The following DMD variants were observed in gnomAD, a reference collection of about 807,000 sequenced individuals.
The protein encoded by DMD is dystrophin.
Under a neutral mutation model 330.1 loss-of-function variants are expected in DMD, and 63 were observed. That is an observed-to-expected ratio of 0.19 (90% CI 0.16 to 0.24). The LOEUF is 0.24. DMD is among the 10% of genes least tolerant of loss of function. The pLI, the probability that DMD is intolerant of heterozygous loss-of-function variation, is 1.00. For missense variants in DMD, 3,344 were observed against 2,684.1 expected (o/e 1.25, Z -5.43); for synonymous variants, 1,223 against 959.8 (o/e 1.27, Z -5.07).
intron 7 of DMD, among the ~76,000 whole-genome samples, chrX:32,777,671 T>A (rs577059104): frequency 8.9e-6 from 1 of 111,950 alleles, no homozygotes; most frequent in African/African-American, 3.2e-5. Flanking sequence ...ACCTTTCCAA[T>A]TGGTATTTAG....
chrX:31,429,487 C>T (rs1198062183), intron 60 of DMD, among the ~76,000 whole-genome samples: 1 of 112,084 alleles, frequency 8.9e-6, no homozygotes, highest in Admixed American at 9.5e-5. Context: ...TTCCATGCAG[C>T]TTCCCCATGT....
intron 2 of DMD, among the ~76,000 whole-genome samples, chrX:32,853,825 T>TTG (rs1264347707): frequency 2.9e-5 from 3 of 103,413 alleles, no homozygotes; most frequent in African/African-American, 1.1e-4. Context: ...AGACTCAATC[T>TTG]GTTGCCTACA....
chrX:31,878,783 A>G (rs2094007901), intron 47 of DMD, among the ~76,000 whole-genome samples: 2 of 112,253 alleles, frequency 1.8e-5, no homozygotes, highest in South Asian at 7.4e-4. Context: ...CCTTGGTAAT[A>G]ATGAGAGAAA....
At chrX:32,582,885 A>T (rs951872485) in intron 13 of DMD, among the ~76,000 whole-genome samples, 1 of 111,101 alleles carries the variant, frequency 9.0e-6, no homozygotes, top group Admixed American at 9.6e-5. Context: ...TTTCTCAAGG[A>T]CCTAGGAGCC....
At chrX:32,442,090 T>C (rs1260591659) in intron 27 of DMD, among the ~76,000 whole-genome samples, 3 of 110,853 alleles carry the variant, frequency 2.7e-5, no homozygotes, top group Non-Finnish European at 3.8e-5. Context: ...CAAGAAAATA[T>C]AGAAGAAAAT....
chrX:31,208,348 T>C lies in DMD; in HGVS notation c.9563+1150A>G, dbSNP rs10482232. On this transcript the variant is annotated intron_variant, in intron 65 of 78. Transcript: ENST00000357033. ...AATCCACTTTATACAGCAACTCAGG[T>C]CTTCAAGGAGTTAAAATTGTCACCA... Among the ~76,000 whole-genome samples the C allele has an allele frequency of 0.29, 32,220 of 111,230 alleles. 4,007 individuals carry two copies. The highest frequency in any genetic ancestry group is 0.46 in the African/African-American group (14,048 of 30,483).
intron 11 of DMD, among the ~76,000 whole-genome samples, chrX:32,638,988 C>G (rs1203543084): frequency 9.0e-6 from 1 of 111,522 alleles, no homozygotes; most frequent in African/African-American, 3.3e-5. Context: ...CATATTATGG[C>G]TTGTGTATCT....
chrX:33,268,353 G>T (rs1246758332), intron 1 of DMD, among the ~76,000 whole-genome samples: 1 of 111,037 alleles, frequency 9.0e-6, no homozygotes, highest in African/African-American at 3.3e-5. Flanking sequence ...TGACAAGAGG[G>T]ACCTAATTAA....
At chrX:32,920,129 G>C (rs2088250657) in intron 2 of DMD, among the ~76,000 whole-genome samples, 1 of 111,063 alleles carries the variant, frequency 9.0e-6, no homozygotes, top group Non-Finnish European at 1.9e-5. Context: ...TTATGTAATA[G>C]TCAATACGCC....
chrX:33,117,807 A>AGATC (rs1456782639), intron 1 of DMD, among the ~76,000 whole-genome samples: 4 of 111,611 alleles, frequency 3.6e-5, no homozygotes, highest in African/African-American at 9.8e-5. Flanking sequence ...CTGGTACCAT[A>AGATC]CGCTAATCAA....
chrX:32,500,627 T>A, intron 19 of DMD, among the ~76,000 whole-genome samples: 1 of 111,700 alleles, frequency 9.0e-6, no homozygotes, highest in Non-Finnish European at 1.9e-5. Flanking sequence ...TTATTTAACA[T>A]GAATATGCTG....
chrX:32,088,500 TAA>T (rs35808590), intron 44 of DMD, among the ~76,000 whole-genome samples: 16,464 of 87,166 alleles, frequency 0.19, 1,343 homozygotes, highest in East Asian at 0.3. Context: ...AAGCGATGAC[TAA>T]AAAAAAAAAA....
chrX:32,781,995 G>A (rs765323765), intron 7 of DMD, among the ~76,000 whole-genome samples: 14 of 110,895 alleles, frequency 1.3e-4, no homozygotes, highest in Admixed American at 4.8e-4. Flanking sequence ...AGGCTCCCAG[G>A]TAAGAAAAAA....
At chrX:32,761,525 C>T (rs767844562) in intron 7 of DMD, among the ~76,000 whole-genome samples, 12 of 112,053 alleles carry the variant, frequency 1.1e-4, no homozygotes, top group African/African-American at 3.6e-4. Context: ...TGTGACAGGT[C>T]CACCCAGTAG....
At chrX:32,325,027 C>T (rs1471876278) in intron 41 of DMD, among the ~76,000 whole-genome samples, 2 of 110,985 alleles carry the variant, frequency 1.8e-5, no homozygotes, top group African/African-American at 3.3e-5. Context: ...TATACATTAC[C>T]TGGGAACATG....
At chrX:32,299,115 G>A (rs1413403287) in intron 42 of DMD, among the ~76,000 whole-genome samples, 1 of 110,661 alleles carries the variant, frequency 9.0e-6, no homozygotes, top group Non-Finnish European at 1.9e-5. Context: ...CTAGGATGTT[G>A]GGCATCTCCT....
At chrX:31,710,293 G>T (rs1485892296) in intron 52 of DMD, among the ~76,000 whole-genome samples, 1 of 111,735 alleles carries the variant, frequency 8.9e-6, no homozygotes, top group African/African-American at 3.2e-5. Flanking sequence ...ACAGATAATA[G>T]GAGAGTGAAG....
At chrX:31,814,820 G>A (rs191047994) in intron 50 of DMD, among the ~76,000 whole-genome samples, 1 of 111,994 alleles carries the variant, frequency 8.9e-6, no homozygotes, top group African/African-American at 3.2e-5. Context: ...CTAAATGATT[G>A]TGAAAGTCTC....
At chrX:32,655,303 C>T (rs1487993334) in intron 9 of DMD, among the ~76,000 whole-genome samples, 1 of 112,322 alleles carries the variant, frequency 8.9e-6, no homozygotes, top group Non-Finnish European at 1.9e-5. Flanking sequence ...CTACACACTG[C>T]TTTAAATGTG....
Sources: allele counts gnomAD v4.1 joint callset (sites outside exome capture counted in the v4.1 genomes callset), GRCh38; gene constraint gnomAD v4.1.1; transcripts MANE v1.5; gene names NCBI Gene and HGNC (gene_info 2026-07-23, HGNC 2026-07-21).